Variants in TFPT observed in about 807,000 individuals in gnomAD.
The protein encoded by TFPT is INO80 complex subunit F.
A neutral mutation model predicts 28.8 loss-of-function variants in TFPT; 27 were observed. The ratio of observed to expected loss-of-function variants is 0.94; its 90% confidence interval spans 0.69 to 1.29. TFPT has a LOEUF of 1.29. TFPT is among the 50% of genes most tolerant of loss of function. The probability of loss-of-function intolerance (pLI) is 0.00; values close to 1 mark genes in which losing one functional copy is unlikely to be tolerated. For missense variants in TFPT, 330 were observed against 338.0 expected (o/e 0.98, Z 0.19); for synonymous variants, 152 against 142.8 (o/e 1.06, Z -0.46).
chr19:54,111,210 GAC>G (rs1345807328), intron 2 of TFPT, among the ~76,000 whole-genome samples: 2 of 152,178 alleles, frequency 1.3e-5, no homozygotes, highest in African/African-American at 4.8e-5. Flanking sequence ...GGGACCCAAA[GAC>G]AGTGGCTGAA....
At position 54,107,160 on chromosome 19, in the gene TFPT, C is replaced by T. The variant is rs1358318073; in HGVS notation, c.652G>A (p.Glu218Lys). The change falls in exon 6 of 6, where the codon GAG becomes AAG. Residue 218 changes from glutamate (E) to lysine (K), a missense_variant. By Grantham distance (56) the Glu-to-Lys change is moderately conservative. Transcript: ENST00000391759. ...PELAPVQIKV[E>K]EDFGFEADEA... is the part of the protein sequence containing the mutation. ...TCTGCTTCAAAGCCAAAGTCTTCCT[C>T]AACCTTAATCTGCAGGAGATAAGGA... 6.2e-7 allele frequency: 1 copy of T among 1,613,408 alleles called. No individual in the cohort carries two copies. The highest frequency in any genetic ancestry group is 2.2e-5 in the East Asian group (1 of 44,864).
intron 2 of TFPT, among the ~76,000 whole-genome samples, chr19:54,110,360 G>A (rs1402836131): frequency 3.9e-5 from 6 of 151,986 alleles, no homozygotes; most frequent in Admixed American, 1.3e-4. Context: ...CCAGTCATCC[G>A]CACAACTTAC....
At chr19:54,114,052 A>G (rs1388990933) in intron 2 of TFPT, among the ~76,000 whole-genome samples, 8 of 152,152 alleles carry the variant, frequency 5.3e-5, no homozygotes, top group Admixed American at 2.6e-4. Context: ...GGAGTTTGCA[A>G]TGGCAGCCAT....
chr19:54,114,312 G>A lies in TFPT; in HGVS notation c.282+130C>T, dbSNP rs1384602894. 3.5e-6 allele frequency: 5 copies of A among 1,422,824 alleles called. No homozygotes were observed. The South Asian group carries it at 5.5e-5, about 16-fold the overall frequency. The allele number at this position is 1,422,824 out of a possible 1,614,324, so 88.1% of individuals were successfully genotyped here. A position where few individuals can be genotyped will look rare whatever the true frequency, so the allele number is the denominator to read the frequency against. Reference sequence around the variant, plus strand: ...GACACATAATGCATGCTAAATGACTGAATATATAAGCTAAATGACTGAATA... The same window carrying A: ...GACACATAATGCATGCTAAATGACTAAATATATAAGCTAAATGACTGAATA... On this transcript the variant is annotated intron_variant, in intron 2 of 5. Coordinates refer to ENST00000391759, the MANE Select transcript of TFPT (RefSeq NM_013342.4).
chr19:54,114,652 T>C lies in TFPT; in HGVS notation c.72A>G (p.Ser24=). 6.2e-7 allele frequency: 1 copy of C among 1,613,994 alleles called. No individual in the cohort carries two copies. Among genetic ancestry groups the C allele is most frequent in the Non-Finnish European group, 8.5e-7 (1 of 1,180,020 alleles). ...GFEEFSAPPG[S]ELALPPLFGG... ...CAAATAGGGGAGGCAACGCCAACTC[T>C]GAGCCTGGCGGCGCTGAGAACTCCT... is the stretch of plus-strand genomic sequence containing the variant. Residue 24 remains serine (S), a synonymous_variant, in exon 2 of 6, where the codon TCA becomes TCG. Coordinates refer to ENST00000391759, the MANE Select transcript of TFPT (RefSeq NM_013342.4).
At chr19:54,107,384 G>C in intron 5 of TFPT, 1 of 606,648 alleles carries the variant, frequency 1.6e-6, no homozygotes, top group Non-Finnish European at 2.8e-6. Context: ...AAGTAGCTGG[G>C]ACTACAGGCA....
chr19:54,107,378 AG>A, intron 5 of TFPT: 1 of 627,530 alleles, frequency 1.6e-6, no homozygotes, highest in Non-Finnish European at 2.7e-6. Context: ...CTTCCCAAGT[AG>A]CTGGGACTAC....
At chr19:54,114,238 A>C (rs1343021168) in intron 2 of TFPT, among the ~76,000 whole-genome samples, 1 of 152,230 alleles carries the variant, frequency 6.6e-6, no homozygotes, top group Non-Finnish European at 1.5e-5. Context: ...CTGCGTTGTC[A>C]GGGAAGCTCC....
chr19:54,107,625 C>G (rs2073308953), intron 5 of TFPT: 2 of 281,694 alleles, frequency 7.1e-6, no homozygotes, highest in South Asian at 1.9e-4. Context: ...GTTCCTGGGT[C>G]CAGATGTTCT....
rs778025642 is a variant in TFPT at position 54,110,140 on chromosome 19, C to G, written c.283-19G>C. 1 of 1,613,930 alleles carries G rather than the reference C, an allele frequency of 6.2e-7. No homozygotes were observed. Among genetic ancestry groups the G allele is most frequent in the South Asian group, 1.1e-5 (1 of 91,066 alleles). On this transcript the variant is annotated intron_variant, in intron 2 of 5. Coordinates refer to ENST00000391759, the MANE Select transcript of TFPT (RefSeq NM_013342.4). ...CGTTCACCTATGGGGTGGGAAACGC[C>G]CATCAGCTGGATCCCACGGCTCCCG...
chr19:54,111,264 G>A (rs943234708), intron 2 of TFPT, among the ~76,000 whole-genome samples: 24 of 152,026 alleles, frequency 1.6e-4, no homozygotes, highest in African/African-American at 4.8e-4. Context: ...AGTTCCGGGC[G>A]GGGCACAGTG....
rs750026389 is a variant in TFPT at position 54,115,321 on chromosome 19, T to G, written c.-52A>C. 19 of 1,613,460 alleles carry G rather than the reference T, an allele frequency of 1.2e-5. No individual in the cohort carries two copies. The South Asian group carries it at 1.4e-4, about 12-fold the overall frequency. On this transcript the variant is annotated 5_prime_UTR_variant, in exon 1 of 6. Coordinates refer to ENST00000391759, the MANE Select transcript of TFPT (RefSeq NM_013342.4). ...CTCAGAGCTTCCGACCTCTTCAATC[T>G]GTAGGTTAAGCCGTTCGCAAAACTA... is the stretch of plus-strand genomic sequence containing the variant.
intron 2 of TFPT, 42 bp downstream of exon 2, chr19:54,114,400 A>C: frequency 1.3e-6 from 2 of 1,579,968 alleles, no homozygotes; most frequent in Non-Finnish European, 1.7e-6. Context: ...GCGGTAGTTT[A>C]GGCCAGGGGA....
intron 2 of TFPT, among the ~76,000 whole-genome samples, chr19:54,111,980 A>T (rs1408994586): frequency 2.0e-5 from 3 of 151,016 alleles, no homozygotes; most frequent in African/African-American, 2.4e-5. Context: ...AAATCCATCT[A>T]AAAAAAAAGA....
rs1205999131 is a variant in TFPT at position 54,110,206 on chromosome 19, C to T, written c.283-85G>A. 4.2e-5 allele frequency: 60 copies of T among 1,443,812 alleles called. No homozygotes were observed. In the African/African-American group the frequency reaches 7.9e-4, roughly 19 times the overall value. The allele number at this position is 1,443,812 out of a possible 1,614,324, so 89.4% of individuals were successfully genotyped here. On this transcript the variant is annotated intron_variant, in intron 2 of 5. Transcript: ENST00000391759. The stretch of plus-strand genomic sequence containing the variant: ...GATGTTTAATGGGGCACGCACTAAA[C>T]TCTGGAGACTGGCCAAAGACCATCC...
At chr19:54,109,128 C>T (rs8104570) in intron 3 of TFPT, 2,146 of 157,270 alleles carry the variant, frequency 0.014, 54 homozygotes, top group African/African-American at 0.048. Flanking sequence ...ATCTCCTGAC[C>T]TCGTGATCCG....
chr19:54,108,971 C>T (rs1196286295), intron 3 of TFPT: 1 of 191,842 alleles, frequency 5.2e-6, no homozygotes, highest in Non-Finnish European at 1.1e-5. Context: ...TTTGGCTCAC[C>T]ACAACCTCCA....
chr19:54,108,834 C>T, intron 3 of TFPT: 1 of 471,034 alleles, frequency 2.1e-6, no homozygotes. Context: ...CCAGCCCCTG[C>T]CTCCAGAGTT....
At position 54,115,316 on chromosome 19, in the gene TFPT, C is replaced by G; in HGVS notation, c.-47G>C. On this transcript the variant is annotated 5_prime_UTR_variant, in exon 1 of 6. Transcript: ENST00000391759. ...CGGGCCTCAGAGCTTCCGACCTCTT[C>G]AATCTGTAGGTTAAGCCGTTCGCAA... 6.2e-7 allele frequency: 1 copy of G among 1,613,680 alleles called. No individual in the cohort carries two copies. Among genetic ancestry groups the G allele is most frequent in the South Asian group, 1.1e-5 (1 of 91,090 alleles).
Sources: allele counts gnomAD v4.1 joint callset (sites outside exome capture counted in the v4.1 genomes callset), GRCh38; gene constraint gnomAD v4.1.1; transcripts MANE v1.5; gene names NCBI Gene and HGNC (gene_info 2026-07-23, HGNC 2026-07-21).